The following KPNB1 variants were observed in gnomAD, a reference collection of about 807,000 sequenced individuals.
KPNB1 encodes importin subunit beta-1.
In KPNB1, 7 loss-of-function variants were observed where a neutral mutation model predicts 113.0. The ratio of observed to expected loss-of-function variants is 0.06; its 90% confidence interval spans 0.04 to 0.12. KPNB1 has a LOEUF of 0.12. KPNB1 is among the 10% of genes least tolerant of loss of function. KPNB1 has a pLI of 1.00. For missense variants in KPNB1, 400 were observed against 1,054.8 expected (o/e 0.38, Z 8.60); for synonymous variants, 363 against 378.6 (o/e 0.96, Z 0.48).
intron 4 of KPNB1, 90 bp downstream of exon 4, chr17:47,657,150 C>G (rs906252156): frequency 1.8e-6 from 2 of 1,091,422 alleles, no homozygotes; most frequent in African/African-American, 1.6e-5. Flanking sequence ...TATTGAATCA[C>G]GAAGAAAGCC....
At chr17:47,659,346 CA>C (rs1169238660) in intron 5 of KPNB1, among the ~76,000 whole-genome samples, 5 of 150,138 alleles carry the variant, frequency 3.3e-5, no homozygotes, top group African/African-American at 7.4e-5. Context: ...AAGACTGTCT[CA>C]AAAAAAATAA....
chr17:47,674,315 A>G (rs1438275150), intron 14 of KPNB1, among the ~76,000 whole-genome samples: 2 of 152,174 alleles, frequency 1.3e-5, no homozygotes, highest in Admixed American at 1.3e-4. Flanking sequence ...AGCTGAAGTA[A>G]TTTAACTATC....
intron 5 of KPNB1, among the ~76,000 whole-genome samples, chr17:47,659,372 AAAAG>A (rs1451863561): frequency 5.3e-5 from 8 of 152,232 alleles, no homozygotes; most frequent in African/African-American, 1.7e-4. Context: ...TAAAAAAAAT[AAAAG>A]AAAGAAATTA....
At chr17:47,670,009 G>A in intron 11 of KPNB1, 140 bp downstream of exon 11, 1 of 666,954 alleles carries the variant, frequency 1.5e-6, no homozygotes, top group Non-Finnish European at 2.6e-6. Flanking sequence ...TTAAAATGTG[G>A]GGGAGATTCC....
intron 4 of KPNB1, among the ~76,000 whole-genome samples, chr17:47,657,592 C>T (rs1567888473): frequency 2.0e-5 from 3 of 152,166 alleles, no homozygotes; most frequent in African/African-American, 4.8e-5. Flanking sequence ...CTTAGACTCC[C>T]TAGATGTGCC....
chr17:47,652,545 G>C, intron 2 of KPNB1, 149 bp from the exon 3 acceptor site: 1 of 476,382 alleles, frequency 2.1e-6, no homozygotes, highest in South Asian at 4.7e-5. Context: ...TAAATATTTT[G>C]TGGTTTCCTG....
chr17:47,673,642 G>C (rs911876488), intron 14 of KPNB1, 81 bp downstream of exon 14: 7 of 1,083,458 alleles, frequency 6.5e-6, no homozygotes, highest in African/African-American at 1.6e-5. Context: ...TGTACACACA[G>C]AACTCGAAAA....
chr17:47,651,154 A>C, intron 2 of KPNB1: 1 of 953,638 alleles, frequency 1.0e-6, no homozygotes. Flanking sequence ...CTGTTTGCTG[A>C]TGAAATCACA....
At chr17:47,662,834 G>GATC (rs2030147988) in intron 6 of KPNB1, among the ~76,000 whole-genome samples, 1 of 152,226 alleles carries the variant, frequency 6.6e-6, no homozygotes, top group African/African-American at 2.4e-5. Context: ...AGTGAGCCAA[G>GATC]ATCATGCCAC....
At chr17:47,676,960 A>G (rs1027193281) in intron 16 of KPNB1, 60 bp from the exon 17 acceptor site, 10 of 1,306,336 alleles carry the variant, frequency 7.7e-6, no homozygotes, top group South Asian at 2.4e-5. Flanking sequence ...GTTAAAAATA[A>G]TATCTTGCCC....
Position 47,649,957 on chromosome 17 carries a change from C to T in KPNB1, c.-288C>T. On this transcript the variant is annotated 5_prime_UTR_variant, in exon 1 of 22. Coordinates refer to ENST00000290158, the MANE Select transcript of KPNB1 (RefSeq NM_002265.6). Reference sequence around the variant, plus strand: ...CCGCCTCTCACTCACAGCCTCCCTTCCTTCTTTCTCCCTCCGCCTCCCGAG... The same window carrying T: ...CCGCCTCTCACTCACAGCCTCCCTTTCTTCTTTCTCCCTCCGCCTCCCGAG... 1.5e-6 allele frequency: 2 copies of T among 1,322,256 alleles called. No homozygotes were observed. Among genetic ancestry groups the T allele is most frequent in the Non-Finnish European group, 9.6e-7 (1 of 1,040,380 alleles). The allele number at this position is 1,322,256 out of a possible 1,614,324, so 81.9% of individuals were successfully genotyped here.
At chr17:47,656,579 C>T (rs967705524) in intron 3 of KPNB1, among the ~76,000 whole-genome samples, 7 of 148,722 alleles carry the variant, frequency 4.7e-5, no homozygotes, top group Non-Finnish European at 8.9e-5. Flanking sequence ...TATGGTGATG[C>T]CCTGTCTCAA....
intron 2 of KPNB1, 27 bp downstream of exon 2, chr17:47,650,471 C>G: frequency 6.3e-7 from 1 of 1,588,932 alleles, no homozygotes; most frequent in Non-Finnish European, 8.6e-7. Flanking sequence ...CGCGCCCATC[C>G]CGCCGCGTCC....
Position 47,678,029 on chromosome 17 carries a change from C to T in KPNB1, c.2104-17C>T, listed in dbSNP as rs777138403. On this transcript the variant is annotated splice_polypyrimidine_tract_variant and intron_variant, in intron 17 of 21. Coordinates refer to ENST00000290158, the MANE Select transcript of KPNB1 (RefSeq NM_002265.6). ...CAAGTTTTGACTTAATTCACTTTTC[C>T]TTTTGTTCCTTGTCAGAATGAGAAC... 6 of 1,606,578 alleles carry T rather than the reference C, an allele frequency of 3.7e-6. No homozygotes were observed. The Admixed American group carries it at 5.2e-5, about 14-fold the overall frequency.
chr17:47,665,122 T>C lies in KPNB1; in HGVS notation c.963T>C (p.Tyr321=). 1 of 1,614,182 alleles carries C rather than the reference T, an allele frequency of 6.2e-7. No individual in the cohort carries two copies. The highest frequency in any genetic ancestry group is 8.5e-7 in the Non-Finnish European group (1 of 1,179,996). The change falls in exon 9 of 22, where the codon TAT becomes TAC. Residue 321 remains tyrosine (Y), a synonymous_variant. Coordinates refer to ENST00000290158, the MANE Select transcript of KPNB1 (RefSeq NM_002265.6). The part of the protein sequence containing the change: ...SKFYAKGALQ[Y]LVPILTQTLT... ...TTTATGCGAAGGGAGCACTACAGTA[T>C]CTGGTTCCAATCCTCACACAGACAC...
At chr17:47,656,765 A>G in intron 3 of KPNB1, 95 bp from the exon 4 acceptor site, 1 of 1,246,480 alleles carries the variant, frequency 8.0e-7, no homozygotes, top group Non-Finnish European at 1.2e-6. Flanking sequence ...AAAGAAAAAA[A>G]AGAATTCAGA....
chr17:47,649,931 GC>G lies in KPNB1; in HGVS notation c.-312del. 7.9e-7 allele frequency: 1 copy of G among 1,268,958 alleles called. No individual in the cohort carries two copies. The highest frequency in any genetic ancestry group is 9.9e-7 in the Non-Finnish European group (1 of 1,007,678). The allele number at this position is 1,268,958 out of a possible 1,614,324, so 78.6% of individuals were successfully genotyped here. A position where few individuals can be genotyped will look rare whatever the true frequency, so the allele number is the denominator to read the frequency against. On this transcript the variant is annotated 5_prime_UTR_variant, in exon 1 of 22. Transcript: ENST00000290158. ...TCCCTCCCTCGCTCCCTCCCTGCGC[GC>G]CGCCTCTCACTCACAGCCTCCCTTC...
chr17:47,677,244 A>T, intron 17 of KPNB1, 117 bp downstream of exon 17: 2 of 756,884 alleles, frequency 2.6e-6, no homozygotes, highest in South Asian at 3.4e-5. Context: ...GCATTTTGGG[A>T]GGCCGAGGCA....
chr17:47,657,176 G>A (rs2029934521), intron 4 of KPNB1, 116 bp downstream of exon 4: 1 of 833,282 alleles, frequency 1.2e-6, no homozygotes, highest in Non-Finnish European at 2.0e-6. Context: ...AAATTGCACA[G>A]TTTTGAAAGT....
Sources: allele counts gnomAD v4.1 joint callset (sites outside exome capture counted in the v4.1 genomes callset), GRCh38; gene constraint gnomAD v4.1.1; transcripts MANE v1.5; gene names NCBI Gene and HGNC (gene_info 2026-07-23, HGNC 2026-07-21).